Variants in MEI1 observed in about 807,000 individuals in gnomAD.
MEI1 encodes the protein meiosis inhibitor protein 1.
Under a neutral mutation model 146.2 loss-of-function variants are expected in MEI1, and 103 were observed. The observed-to-expected ratio is 0.70, with a 90% CI of 0.60 to 0.83. The LOEUF (loss-of-function observed/expected upper bound fraction) is 0.83. Ranked by LOEUF, MEI1 falls within the 40% of genes least tolerant of loss-of-function variation. The pLI, the probability that MEI1 is intolerant of heterozygous loss-of-function variation, is 0.00. For synonymous variants in MEI1, 652 were observed against 628.2 expected (o/e 1.04, Z -0.57); for missense variants, 1,529 against 1,533.0 (o/e 1.00, Z 0.04).
intron 20 of MEI1, among the ~76,000 whole-genome samples, chr22:41,772,791 C>T (rs868329373): frequency 6.6e-6 from 1 of 152,190 alleles, no homozygotes; most frequent in Non-Finnish European, 1.5e-5. Context: ...ATCTCATTCA[C>T]ACCCATGGCT....
Position 41,784,426 on chromosome 22 carries a change from G to T in MEI1, c.3169+6G>T. 1.2e-6 allele frequency: 2 copies of T among 1,613,666 alleles called. No homozygotes were observed. Among genetic ancestry groups the T allele is most frequent in the Non-Finnish European group, 1.7e-6 (2 of 1,179,682 alleles). ...AAAGGCTGCACTACTCTCAGGTATG[G>T]GTCCACAAGTCTCCAGCAGAAGAAA... On this transcript the variant is annotated splice_donor_region_variant and intron_variant, in intron 25 of 30. Coordinates refer to ENST00000401548, the MANE Select transcript of MEI1 (RefSeq NM_152513.4).
chr22:41,718,106 T>C lies in MEI1; in HGVS notation c.565T>C (p.Tyr189His). The C allele has an allele frequency of 6.2e-7, 1 of 1,613,192 alleles. No homozygotes were observed. The highest frequency in any genetic ancestry group is 8.5e-7 in the Non-Finnish European group (1 of 1,179,798). ...LMEHLLRGLV[Y>H]PSEGIQASVC... is the part of the protein sequence containing the mutation. ...GGAGCATCTGTTGAGAGGCTTAGTA[T>C]ACCCCAGTGAGGGCATACAAGCTTC... The change falls in exon 6 of 31, where the codon TAC becomes CAC. Residue 189 changes from tyrosine to histidine, a missense_variant. Transcript: ENST00000401548.
In MEI1 at chr22:41,720,873, G is replaced by A. The variant is rs143135928; in HGVS notation, c.733+2599G>A. On this transcript the variant is annotated intron_variant, in intron 6 of 30. Coordinates refer to ENST00000401548, the MANE Select transcript of MEI1 (RefSeq NM_152513.4). ...TGCAAGCTCCGCCTCCCAGGTTCAC[G>A]CCATTCTCCTGCCTCAGCCTCCCGA... Among the ~76,000 whole-genome samples, 734 of 152,052 alleles carry A rather than the reference G, an allele frequency of 4.8e-3. 7 individuals are homozygous for A. Among genetic ancestry groups the A allele is most frequent in the African/African-American group, 0.015 (638 of 41,486 alleles).
chr22:41,759,747 T>C (rs1438231184), intron 18 of MEI1, among the ~76,000 whole-genome samples: 4 of 152,086 alleles, frequency 2.6e-5, no homozygotes, highest in African/African-American at 9.7e-5. Flanking sequence ...GAGAATTGCT[T>C]GAACCCAGGA....
rs61737623 is a variant in MEI1 at position 41,770,720 on chromosome 22, G to A, written c.2303G>A (p.Gly768Asp). The A allele has an allele frequency of 3.7e-3, 5,926 of 1,613,782 alleles. 165 individuals carry two copies. The African/African-American group carries it at 0.061, about 17-fold the overall frequency. ...AGTGCAATCAGAAAATTCCTAGAAG[G>A]CATCCCAGACCTGCAGCTAGTCTAT... ...MVSAIRKFLE[G>D]IPDLQLVYTH... The change falls in exon 20 of 31, where the codon GGC becomes GAC. Residue 768 changes from glycine to aspartate, a missense_variant. This residue lies in a region of MEI1 where 1,212 missense variants were observed against 1,178.9 expected (regional missense o/e 1.03). Coordinates refer to ENST00000401548, the MANE Select transcript of MEI1 (RefSeq NM_152513.4).
At chr22:41,736,393 G>T (rs2072372903) in intron 11 of MEI1, among the ~76,000 whole-genome samples, 1 of 151,770 alleles carries the variant, frequency 6.6e-6, no homozygotes, top group Admixed American at 6.6e-5. Context: ...GGGACTACAG[G>T]TGCCTGCCAC....
At chr22:41,792,494 TG>T (rs1167465600) in intron 26 of MEI1, among the ~76,000 whole-genome samples, 2 of 152,174 alleles carry the variant, frequency 1.3e-5, no homozygotes, top group African/African-American at 4.8e-5. Flanking sequence ...CCCCCAGGAA[TG>T]GAGCACGGTG....
intron 18 of MEI1, 28 bp downstream of exon 18, chr22:41,758,561 G>A: frequency 1.3e-6 from 2 of 1,594,460 alleles, no homozygotes; most frequent in Non-Finnish European, 1.7e-6. Context: ...GGTGGCTGGT[G>A]GTGGGTCTTG....
intron 12 of MEI1, among the ~76,000 whole-genome samples, chr22:41,743,878 C>A (rs1399708627): frequency 1.3e-5 from 2 of 151,510 alleles, no homozygotes; most frequent in Admixed American, 6.6e-5. Flanking sequence ...ACACTGCTAC[C>A]ATTTTTTTTT....
chr22:41,753,417 C>T (rs978699997), intron 16 of MEI1, among the ~76,000 whole-genome samples: 4 of 152,096 alleles, frequency 2.6e-5, no homozygotes, highest in African/African-American at 9.7e-5. Context: ...GAGGTCAAAG[C>T]AGCAGTGAGC....
chr22:41,755,864 A>G (rs2074058327), intron 17 of MEI1, among the ~76,000 whole-genome samples: 2 of 152,174 alleles, frequency 1.3e-5, no homozygotes, highest in African/African-American at 4.8e-5. Context: ...GCTGTGGGAC[A>G]TGCGCTATCC....
At chr22:41,785,899 T>TTTTTATTTA (rs1555999850) in intron 26 of MEI1, among the ~76,000 whole-genome samples, 5 of 128,288 alleles carry the variant, frequency 3.9e-5, no homozygotes, top group East Asian at 2.1e-4. Context: ...TTTTTTATTT[T>TTTTTATTTA]TTTATTTTTT....
intron 7 of MEI1, among the ~76,000 whole-genome samples, chr22:41,726,746 T>G (rs1032767810): frequency 1.2e-5 from 1 of 82,086 alleles, no homozygotes; most frequent in African/African-American, 2.8e-5. Context: ...TGTCATTTCT[T>G]TTATAAAAGA....
intron 19 of MEI1, among the ~76,000 whole-genome samples, chr22:41,766,074 G>A (rs1044549074): frequency 2.0e-5 from 3 of 151,460 alleles, no homozygotes; most frequent in African/African-American, 7.3e-5. Flanking sequence ...GTATTTCTTA[G>A]TAGAGACGGG....
At chr22:41,790,148 T>C (rs2148223359) in intron 26 of MEI1, among the ~76,000 whole-genome samples, 1 of 152,322 alleles carries the variant, frequency 6.6e-6, no homozygotes, top group African/African-American at 2.4e-5. Context: ...AGTGGCGTGA[T>C]CTTGGCTCAC....
chr22:41,771,261 C>A (rs2075167584), intron 20 of MEI1, among the ~76,000 whole-genome samples: 1 of 152,220 alleles, frequency 6.6e-6, no homozygotes, highest in Non-Finnish European at 1.5e-5. Context: ...TCTCACCTCC[C>A]TGTCATCTCT....
chr22:41,781,044 C>T (rs1212063515), intron 22 of MEI1, among the ~76,000 whole-genome samples: 1 of 152,190 alleles, frequency 6.6e-6, no homozygotes, highest in Non-Finnish European at 1.5e-5. Flanking sequence ...CCTTTGAAAT[C>T]CTAAAGTCTT....
rs1366427847 is a variant in MEI1 at position 41,744,849 on chromosome 22, A to G, written c.1447-124A>G. ...CAAGGATATAGCCAAGATCTCTTGG[A>G]AAGTTAGGTGTATGGGAATGTCAGA... On this transcript the variant is annotated intron_variant, in intron 12 of 30. Coordinates refer to ENST00000401548, the MANE Select transcript of MEI1 (RefSeq NM_152513.4). 5 of 444,142 alleles carry G rather than the reference A, an allele frequency of 1.1e-5. No individual in the cohort carries two copies. In the South Asian group the frequency reaches 3.9e-4, roughly 34 times the overall value. 27.5% of individuals were successfully genotyped at this position (444,142 alleles called of 1,614,324 possible). A position where few individuals can be genotyped will look rare whatever the true frequency, so the allele number is the denominator to read the frequency against.
chr22:41,733,730 T>C (rs2072069853), intron 11 of MEI1, among the ~76,000 whole-genome samples: 1 of 152,116 alleles, frequency 6.6e-6, no homozygotes, highest in Non-Finnish European at 1.5e-5. Flanking sequence ...AGCAAGGCTC[T>C]GTCTCAAAAA....
Sources: gnomAD v4.1 joint callset for allele counts (sites outside exome capture counted in the v4.1 genomes callset) on GRCh38, gnomAD v4.1.1 for gene constraint, gnomAD v4.1.1 regional missense constraint, MANE v1.5 for transcripts, NCBI Gene and HGNC (gene_info 2026-07-23, HGNC 2026-07-21) for gene names.